PPM1A: variants seen among roughly 807,000 people sequenced by gnomAD.
PPM1A encodes protein phosphatase 1A.
A neutral mutation model predicts 35.0 loss-of-function variants in PPM1A; 7 were observed. The ratio of observed to expected loss-of-function variants is 0.20; its 90% CI spans 0.11 to 0.38. PPM1A has a LOEUF of 0.38. Ranked by LOEUF, PPM1A falls within the 10% of genes least tolerant of loss-of-function variation. The probability of loss-of-function intolerance (pLI) is 1.00; values close to 1 mark genes in which losing one functional copy is unlikely to be tolerated. For synonymous variants in PPM1A, 153 were observed against 167.3 expected (o/e 0.91, Z 0.66); for missense variants, 239 against 467.8 (o/e 0.51, Z 4.51).
In PPM1A at chr14:60,279,496, T is replaced by A. The variant is rs771730183; in HGVS notation, c.-20-3188T>A. 5.9e-5 allele frequency among the ~76,000 whole-genome samples: 9 copies of A among 152,212 alleles called. No homozygotes were observed. The South Asian group carries it at 1.9e-3, about 31-fold the overall frequency. ...GTAACCCATACTGATTAAACTGATT[T>A]ATCACCCGTGTTCATTATTTTTAAA... On this transcript the variant is annotated intron_variant, in intron 1 of 5. Transcript: ENST00000395076.
In PPM1A at chr14:60,249,995, GC is replaced by G. The variant is rs1221059588; in HGVS notation, c.-21+319del. ...TGTGGCGGCGAAGCAGGCGACGGCCGCAGGCCGGCCTGGCCGGAGAGCGGCC... is the reference window on the plus strand; with the variant it reads ...TGTGGCGGCGAAGCAGGCGACGGCCGAGGCCGGCCTGGCCGGAGAGCGGCC... On this transcript the variant is annotated intron_variant, in intron 1 of 5. Transcript: ENST00000395076. The surrounding 1 kb of genome is among the most constrained non-coding windows in gnomAD (Gnocchi z 4.5). Among the ~76,000 whole-genome samples, 1 of 151,484 alleles carries G rather than the reference GC, an allele frequency of 6.6e-6. No individual in the cohort carries two copies.
intron 5 of PPM1A, among the ~76,000 whole-genome samples, chr14:60,291,962 T>C (rs1887679102): frequency 6.6e-6 from 1 of 152,116 alleles, no homozygotes; most frequent in African/African-American, 2.4e-5. Flanking sequence ...TAGAATGCCA[T>C]ACTCTCCAGT....
At chr14:60,245,848 ATGT>A (rs1311914620), upstream of PPM1A, 1 of 1,585,278 alleles carries the variant, frequency 6.3e-7, no homozygotes, top group Non-Finnish European at 8.6e-7. This position sits in a 1 kb window ranked among gnomAD's most constrained non-coding sequence, Gnocchi z 4.2. Context: ...GTCTGCTCGC[ATGT>A]TCTGTTCTGG....
intron 3 of PPM1A, chr14:60,287,970 A>G: frequency 2.0e-6 from 2 of 983,882 alleles, no homozygotes; most frequent in East Asian, 1.1e-4. Context: ...TCTTCTATAT[A>G]TAAATATTCT....
intron 1 of PPM1A, among the ~76,000 whole-genome samples, chr14:60,267,659 G>A (rs1247075847): frequency 6.6e-6 from 1 of 152,006 alleles, no homozygotes; most frequent in Non-Finnish European, 1.5e-5. Flanking sequence ...GAAGGATCTT[G>A]TTTTGAAATA....
chr14:60,276,528 A>G, intron 1 of PPM1A, among the ~76,000 whole-genome samples: 1 of 152,212 alleles, frequency 6.6e-6, no homozygotes, highest in African/African-American at 2.4e-5. Flanking sequence ...GAGTAAGAAT[A>G]ACTCTGGTAT....
At chr14:60,274,018 A>G (rs79110392) in intron 1 of PPM1A, among the ~76,000 whole-genome samples, 10,866 of 152,248 alleles carry the variant, frequency 0.071, 622 homozygotes, top group African/African-American at 0.17. Context: ...TTCACTGGTA[A>G]AAGCTGCAGA....
In PPM1A at chr14:60,296,532, A is replaced by AT. The variant is rs1353853796; in HGVS notation, c.*4056dup. On this transcript the variant is annotated 3_prime_UTR_variant, in exon 6 of 6. Transcript: ENST00000395076. The surrounding 1 kb of genome is among the most constrained non-coding windows in gnomAD (Gnocchi z 4.4). ...CACAGAAACTGCTGGTGAGATTACC[A>AT]TTTTTTGAGTATCTAGTCTTCTAGT... 6.5e-6 allele frequency: 2 copies of AT among 307,074 alleles called. No homozygotes were observed. The highest frequency in any genetic ancestry group is 1.0e-4 in the Admixed American group (2 of 19,408). The allele number at this position is 307,074 out of a possible 1,614,324, so 19.0% of individuals were successfully genotyped here.
At chr14:60,253,714 C>T (rs1224489758) in intron 1 of PPM1A, among the ~76,000 whole-genome samples, 1 of 152,126 alleles carries the variant, frequency 6.6e-6, no homozygotes, top group African/African-American at 2.4e-5. Flanking sequence ...CAAAGCTAAA[C>T]ATTTTATGTC....
At position 60,249,654 on chromosome 14, in the gene PPM1A, C is replaced by G; in HGVS notation, c.-44C>G. 1 of 984,940 alleles carries G rather than the reference C, an allele frequency of 1.0e-6. No homozygotes were observed. The highest frequency in any genetic ancestry group is 1.2e-6 in the Non-Finnish European group (1 of 829,982). 61.0% of individuals were successfully genotyped at this position (984,940 alleles called of 1,614,324 possible). On this transcript the variant is annotated 5_prime_UTR_variant, in exon 1 of 6. Coordinates refer to ENST00000395076, the MANE Select transcript of PPM1A (RefSeq NM_021003.5). This position sits in a 1 kb window ranked among gnomAD's most constrained non-coding sequence, Gnocchi z 4.5. ...CGCCGCCGCCTCGGCCGACCAGGGA[C>G]CTGCCCGCCTGCGGCTGCTCCGGGT...
In PPM1A at chr14:60,294,909, T is replaced by C. The variant is rs975462314; in HGVS notation, c.*2427T>C. Reference sequence around the variant, plus strand: ...AAATACAGGAAGGAAGTATACATTATAACAGCAGACTGTGTGTGTTCCTGA... The same window carrying C: ...AAATACAGGAAGGAAGTATACATTACAACAGCAGACTGTGTGTGTTCCTGA... On this transcript the variant is annotated 3_prime_UTR_variant, in exon 6 of 6. Transcript: ENST00000395076. 1 of 151,774 alleles carries C rather than the reference T, an allele frequency of 6.6e-6. No homozygotes were observed. The highest frequency in any genetic ancestry group is 2.4e-5 in the African/African-American group (1 of 41,398). 9.4% of individuals were successfully genotyped at this position (151,774 alleles called of 1,614,324 possible).
At chr14:60,254,556 AT>A (rs1225399246) in intron 1 of PPM1A, among the ~76,000 whole-genome samples, 1 of 152,222 alleles carries the variant, frequency 6.6e-6, no homozygotes, top group Admixed American at 6.5e-5. Flanking sequence ...AGGAAACTAA[AT>A]CATTCTGATT....
chr14:60,277,420 T>C (rs561676440), intron 1 of PPM1A: 2 of 65,072 alleles, frequency 3.1e-5, no homozygotes, highest in South Asian at 6.4e-4. Flanking sequence ...CACAAAACTA[T>C]TAATTTACCC....
chr14:60,248,785 G>A (rs1032359593), upstream of PPM1A: 4 of 152,724 alleles, frequency 2.6e-5, no homozygotes, highest in African/African-American at 9.6e-5. Flanking sequence ...AGGGCTCCGG[G>A]CGCGGACGCC....
Position 60,297,225 on chromosome 14 carries a change from A to T in PPM1A, c.*4743A>T, listed in dbSNP as rs1291937553. 6.6e-6 allele frequency: 1 copy of T among 151,738 alleles called. No individual in the cohort carries two copies. Among genetic ancestry groups the T allele is most frequent in the Non-Finnish European group, 1.5e-5 (1 of 67,712 alleles). The allele number at this position is 151,738 out of a possible 1,614,324, so 9.4% of individuals were successfully genotyped here. A position where few individuals can be genotyped will look rare whatever the true frequency, so the allele number is the denominator to read the frequency against. ...GCTAATACTGTGTTAAACCGGGCTG[A>T]AAATGAGAAAACTTGGGAGATGGAG... On this transcript the variant is annotated 3_prime_UTR_variant, in exon 6 of 6. Coordinates refer to ENST00000395076, the MANE Select transcript of PPM1A (RefSeq NM_021003.5).
chr14:60,274,479 C>T (rs1239285928), intron 1 of PPM1A, among the ~76,000 whole-genome samples: 4 of 151,616 alleles, frequency 2.6e-5, no homozygotes, highest in African/African-American at 9.7e-5. Context: ...AAGTCACACT[C>T]CAACTGAGAA....
intron 1 of PPM1A, among the ~76,000 whole-genome samples, chr14:60,252,389 A>G (rs550031904): frequency 6.6e-6 from 1 of 152,302 alleles, no homozygotes; most frequent in Admixed American, 6.5e-5. Context: ...GAGTCAGTAT[A>G]CTCTTGAATA....
At chr14:60,290,784 T>C (rs909282612) in intron 4 of PPM1A, among the ~76,000 whole-genome samples, 6 of 149,230 alleles carry the variant, frequency 4.0e-5, no homozygotes, top group Middle Eastern at 3.4e-3. Flanking sequence ...TTGGAAACTT[T>C]TTTTTTCCAT....
intron 1 of PPM1A, among the ~76,000 whole-genome samples, chr14:60,253,968 T>C (rs193078466): frequency 6.6e-6 from 1 of 152,330 alleles, no homozygotes; most frequent in African/African-American, 2.4e-5. Flanking sequence ...TAAACCTGTT[T>C]TTTTTTATGT....
Sources: allele counts gnomAD v4.1 joint callset (sites outside exome capture counted in the v4.1 genomes callset), GRCh38; gene constraint gnomAD v4.1.1; non-coding constraint Gnocchi (gnomAD v3.1); transcripts MANE v1.5; gene names NCBI Gene and HGNC (gene_info 2026-07-23, HGNC 2026-07-21).